Variants in JARID2 observed in about 807,000 individuals in gnomAD.
The protein encoded by JARID2 is protein Jumonji.
JARID2 carries 21 observed loss-of-function variants against 125.6 expected under a neutral mutation model. That is an observed-to-expected ratio of 0.17 (90% confidence interval 0.12 to 0.24). The LOEUF (loss-of-function observed/expected upper bound fraction) is 0.24, where lower values mean the gene tolerates loss of function less well. Ranked by LOEUF, JARID2 falls within the 10% of genes least tolerant of loss-of-function variation. The pLI is 1.00. For synonymous variants in JARID2, 736 were observed against 661.6 expected (o/e 1.11, Z -1.73); for missense variants, 1,303 against 1,639.6 (o/e 0.79, Z 3.55).
chr6:15,311,734 T>C (rs867270664), intron 1 of JARID2, among the ~76,000 whole-genome samples: 20 of 141,308 alleles, frequency 1.4e-4, no homozygotes, highest in African/African-American at 4.9e-4. Flanking sequence ...AAAAGGTAAC[T>C]GTTTTTTTTT....
At chr6:15,513,577 C>T (rs1214986659) in intron 16 of JARID2, among the ~76,000 whole-genome samples, 155 bp downstream of exon 16, 1 of 152,234 alleles carries the variant, frequency 6.6e-6, no homozygotes, top group Non-Finnish European at 1.5e-5. Flanking sequence ...GAGCTTCTGG[C>T]CGCCGGAGGT....
chr6:15,361,331 A>T (rs999922485), intron 1 of JARID2, among the ~76,000 whole-genome samples: 3 of 152,292 alleles, frequency 2.0e-5, no homozygotes, highest in Admixed American at 6.5e-5. Flanking sequence ...TCAACACTGC[A>T]GTCAGTGCTC....
chr6:15,386,179 G>A (rs1190785758), intron 2 of JARID2, among the ~76,000 whole-genome samples: 1 of 152,112 alleles, frequency 6.6e-6, no homozygotes, highest in South Asian at 2.1e-4. Context: ...CAGAGAAGTG[G>A]TCAAATCAGG....
chr6:15,415,603 TC>T (rs1766129687), intron 3 of JARID2, among the ~76,000 whole-genome samples: 6 of 56,070 alleles, frequency 1.1e-4, no homozygotes, highest in East Asian at 1.2e-3. Flanking sequence ...GGCTGACCCC[TC>T]CACCTCCCTC....
At chr6:15,380,950 C>T (rs1764558303) in intron 2 of JARID2, among the ~76,000 whole-genome samples, 1 of 152,146 alleles carries the variant, frequency 6.6e-6, no homozygotes, top group South Asian at 2.1e-4. Context: ...AGGGGAACAC[C>T]TGTCCCTTCT....
rs150511467 is a variant in JARID2 at position 15,504,211 on chromosome 6, G to A, written c.2449-289G>A. On this transcript the variant is annotated intron_variant, in intron 8 of 17. Transcript: ENST00000341776. ...GCAGAGCCTTGGAGGGGCCTTCCGC[G>A]CTTCTGCTGTGCGTCCGCTCAGGGC... 4.5e-3 allele frequency among the ~76,000 whole-genome samples: 676 copies of A among 150,816 alleles called. 3 individuals carry two copies. The highest frequency in any genetic ancestry group is 0.015 in the African/African-American group (642 of 41,520).
intron 5 of JARID2, among the ~76,000 whole-genome samples, chr6:15,473,050 G>A (rs888691776): frequency 2.1e-3 from 5 of 2,350 alleles, no homozygotes; most frequent in African/African-American, 0.02. Context: ...GTGAATACCC[G>A]TGTTAGGAAA....
Position 15,500,820 on chromosome 6 carries a change from A to T in JARID2, c.1946-87A>T, listed in dbSNP as rs1038844161. The T allele has an allele frequency of 6.1e-6, 7 of 1,143,732 alleles. No individual in the cohort carries two copies. In the African/African-American group the frequency reaches 7.7e-5, roughly 13 times the overall value. The allele number at this position is 1,143,732 out of a possible 1,614,324, so 70.8% of individuals were successfully genotyped here. On this transcript the variant is annotated intron_variant, in intron 7 of 17. Coordinates refer to ENST00000341776, the MANE Select transcript of JARID2 (RefSeq NM_004973.4). ...TGTCAGAGTCCTGGCTCATAGTAGG[A>T]GTTCAAGAAGTACAGGTTGAATGAG... is the stretch of plus-strand genomic sequence containing the variant.
At chr6:15,309,206 A>ATTGT (rs1761932747) in intron 1 of JARID2, among the ~76,000 whole-genome samples, 1 of 152,120 alleles carries the variant, frequency 6.6e-6, no homozygotes, top group Non-Finnish European at 1.5e-5. Flanking sequence ...CAACAGACTC[A>ATTGT]TTGTTCATCA....
At chr6:15,291,963 A>G (rs575303547) in intron 1 of JARID2, among the ~76,000 whole-genome samples, 1 of 152,212 alleles carries the variant, frequency 6.6e-6, no homozygotes, top group African/African-American at 2.4e-5. Flanking sequence ...TCTCATTGCC[A>G]TCTTTTCTGA....
intron 2 of JARID2, among the ~76,000 whole-genome samples, chr6:15,382,378 C>T (rs1342692948): frequency 6.6e-6 from 1 of 152,168 alleles, no homozygotes; most frequent in Non-Finnish European, 1.5e-5. Flanking sequence ...TATCCATGAG[C>T]CTTGCAAAGG....
intron 1 of JARID2, among the ~76,000 whole-genome samples, chr6:15,371,175 A>G (rs1193281193): frequency 6.6e-6 from 1 of 152,188 alleles, no homozygotes; most frequent in Non-Finnish European, 1.5e-5. Flanking sequence ...CCTTTCTTGT[A>G]GTTTTCATCT....
intron 3 of JARID2, among the ~76,000 whole-genome samples, chr6:15,421,326 T>C (rs1210064334): frequency 1.3e-5 from 2 of 152,020 alleles, no homozygotes; most frequent in East Asian, 3.9e-4. Flanking sequence ...TCTTTGAATG[T>C]TGAATGAGAG....
chr6:15,351,222 A>G (rs1763418576), intron 1 of JARID2, among the ~76,000 whole-genome samples: 1 of 152,212 alleles, frequency 6.6e-6, no homozygotes, highest in African/African-American at 2.4e-5. Flanking sequence ...ATTTCTGAGT[A>G]ATACCAACAG....
chr6:15,423,126 G>A (rs1203207897), intron 3 of JARID2, among the ~76,000 whole-genome samples: 1 of 151,826 alleles, frequency 6.6e-6, no homozygotes, highest in Non-Finnish European at 1.5e-5. Context: ...CAGCCTCCAA[G>A]TAGGTGGGAC....
chr6:15,298,679 C>CAAA (rs778296232), intron 1 of JARID2, among the ~76,000 whole-genome samples: 1 of 81,294 alleles, frequency 1.2e-5, no homozygotes. Flanking sequence ...GACTCCATCT[C>CAAA]AAAAAAAAAA....
intron 1 of JARID2, among the ~76,000 whole-genome samples, chr6:15,326,731 C>A (rs1003715651): frequency 2.0e-5 from 3 of 152,178 alleles, no homozygotes; most frequent in African/African-American, 7.2e-5. Flanking sequence ...AAACTCCTGG[C>A]CTAAAGTGAT....
At position 15,513,402 on chromosome 6, in the gene JARID2, C is replaced by T; in HGVS notation, c.3430C>T (p.His1144Tyr). 6.2e-7 allele frequency: 1 copy of T among 1,609,466 alleles called. No homozygotes were observed. Among genetic ancestry groups the T allele is most frequent in the Non-Finnish European group, 8.5e-7 (1 of 1,177,466 alleles). ...TSERRCQICQ[H>Y]LCYLSMVVQE... ...AGAGAGGAGGTGTCAGATCTGCCAGCACCTGTGCTACCTGTCCATGGTGAG... is the reference window on the plus strand; with the variant it reads ...AGAGAGGAGGTGTCAGATCTGCCAGTACCTGTGCTACCTGTCCATGGTGAG... Residue 1144 changes from histidine (H) to tyrosine (Y), a missense_variant, in exon 16 of 18, where the codon CAC (histidine) becomes TAC (tyrosine). By Grantham distance (83) the His-to-Tyr change is moderately conservative (BLOSUM62 2). Coordinates refer to ENST00000341776, the MANE Select transcript of JARID2 (RefSeq NM_004973.4).
chr6:15,249,358 C>T (rs1561745323), intron 1 of JARID2, among the ~76,000 whole-genome samples: 1 of 151,978 alleles, frequency 6.6e-6, no homozygotes, highest in Non-Finnish European at 1.5e-5. Context: ...TTTGCTGTGC[C>T]GGCTCTGTAC....
Sources: allele counts gnomAD v4.1 joint callset (sites outside exome capture counted in the v4.1 genomes callset), GRCh38; gene constraint gnomAD v4.1.1; transcripts MANE v1.5; gene names NCBI Gene and HGNC (gene_info 2026-07-23, HGNC 2026-07-21).